MYO3A: variants seen among roughly 807,000 people sequenced by gnomAD.
MYO3A encodes the protein myosin-IIIa.
MYO3A carries 180 observed loss-of-function variants against 192.7 expected under a neutral mutation model. The observed-to-expected ratio is 0.93, with a 90% confidence interval of 0.83 to 1.06. MYO3A has a LOEUF of 1.06. MYO3A is among the 50% of genes least tolerant of loss of function. The pLI is 0.00. For missense variants in MYO3A, 1,896 were observed against 1,905.0 expected, an observed-to-expected ratio of 1.00 and a Z score of 0.09; for synonymous variants, 628 against 645.3, an observed-to-expected ratio of 0.97 and a Z score of 0.41.
At chr10:26,086,311 A>G (rs925389752) in intron 14 of MYO3A, among the ~76,000 whole-genome samples, 2 of 152,058 alleles carry the variant, frequency 1.3e-5, no homozygotes, top group Non-Finnish European at 2.9e-5. Context: ...AGTGAGGGGG[A>G]AATCCGCCCC....
Position 25,952,096 on chromosome 10 carries a change from T to A in MYO3A, c.-15T>A, listed in dbSNP as rs11014875. The A allele has an allele frequency of 0.051, 81,249 of 1,602,384 alleles. 2,965 individuals are homozygous for A. The highest frequency in any genetic ancestry group is 0.17 in the African/African-American group (12,774 of 74,606). On this transcript the variant is annotated splice_region_variant and 5_prime_UTR_variant, in exon 3 of 35. Transcript: ENST00000642920. ...GAAACTGTACTTCTTATCTCCAGGT[T>A]TTTAAACCTTTGAGATGTTTCCATT...
intron 20 of MYO3A, among the ~76,000 whole-genome samples, chr10:26,135,618 A>G (rs965004949): frequency 6.6e-6 from 1 of 152,130 alleles, no homozygotes; most frequent in African/African-American, 2.4e-5. Flanking sequence ...CAAGCAAAGA[A>G]ATCTCAGACA....
At chr10:25,987,117 A>G (rs1399677981) in intron 4 of MYO3A, among the ~76,000 whole-genome samples, 1 of 152,150 alleles carries the variant, frequency 6.6e-6, no homozygotes, top group Admixed American at 6.5e-5. Context: ...GGGAAAGGAT[A>G]CTCTATTCAA....
rs1292197236 is a variant in MYO3A at position 26,026,453 on chromosome 10, G to A, written c.874G>A (p.Gly292Ser). 6.2e-7 allele frequency: 1 copy of A among 1,613,972 alleles called. No homozygotes were observed. Among genetic ancestry groups the A allele is most frequent in the Non-Finnish European group, 8.5e-7 (1 of 1,179,966 alleles). The change falls in exon 10 of 35, where the codon GGC becomes AGC. Residue 292 changes from glycine to serine, a missense_variant. Coordinates refer to ENST00000642920, the MANE Select transcript of MYO3A (RefSeq NM_017433.5). ...GCATAAATTCATTACTCAAATTGAG[G>A]GCAAAGATGTGATGCTACAAAAACA... ...LQHKFITQIE[G>S]KDVMLQKQLT... is the part of the protein sequence containing the mutation.
Position 26,068,885 on chromosome 10 carries a change from G to C in MYO3A, c.1170+1G>C, listed in dbSNP as rs373422575. 1 of 1,528,124 alleles carries C rather than the reference G, an allele frequency of 6.5e-7. No individual in the cohort carries two copies. Among genetic ancestry groups the C allele is most frequent in the African/African-American group, 1.4e-5 (1 of 73,062 alleles). 94.7% of individuals were successfully genotyped at this position (1,528,124 alleles called of 1,614,324 possible). A position where few individuals can be genotyped will look rare whatever the true frequency, so the allele number is the denominator to read the frequency against. ...GAGTCTGGGTCTTTACTCCACAAAG[G>C]TATGTCGTATGGGGTGCATTCTGTT... On this transcript the variant is annotated splice_donor_variant, in intron 12 of 34. Coordinates refer to ENST00000642920, the MANE Select transcript of MYO3A (RefSeq NM_017433.5). LOFTEE classifies it high-confidence loss of function.
At chr10:26,023,758 A>G (rs1842421646) in intron 8 of MYO3A, among the ~76,000 whole-genome samples, 1 of 152,200 alleles carries the variant, frequency 6.6e-6, no homozygotes, top group Non-Finnish European at 1.5e-5. Context: ...GAGCTAAGTA[A>G]AAGCAAGAAG....
At chr10:26,037,702 T>G (rs1843112966) in intron 10 of MYO3A, among the ~76,000 whole-genome samples, 1 of 152,164 alleles carries the variant, frequency 6.6e-6, no homozygotes, top group South Asian at 2.1e-4. Context: ...TTTAATTGAC[T>G]CACTGTTCCT....
intron 33 of MYO3A, among the ~76,000 whole-genome samples, chr10:26,201,904 T>C (rs921365950): frequency 3.3e-5 from 5 of 152,226 alleles, no homozygotes; most frequent in African/African-American, 1.2e-4. Flanking sequence ...TTCCATGGAA[T>C]GGTTTTGCTT....
chr10:25,993,926 C>G lies in MYO3A; in HGVS notation c.304-2564C>G, dbSNP rs527529228. The stretch of plus-strand genomic sequence containing the variant: ...TTTACATTTGCTGAGGAGTGCTTTA[C>G]TTCCAACTATGTGGTCAGTTTTGGC... On this transcript the variant is annotated intron_variant, in intron 4 of 34. Transcript: ENST00000642920. 4.6e-5 allele frequency among the ~76,000 whole-genome samples: 7 copies of G among 152,316 alleles called. No homozygotes were observed. The Middle Eastern group carries it at 0.01, about 222-fold the overall frequency.
At chr10:26,106,818 A>G (rs1018189151) in intron 17 of MYO3A, among the ~76,000 whole-genome samples, 1 of 152,144 alleles carries the variant, frequency 6.6e-6, no homozygotes, top group Non-Finnish European at 1.5e-5. Flanking sequence ...CATTTCTGGA[A>G]TAAACCCAAT....
At chr10:26,084,372 T>C (rs1422598622) in intron 14 of MYO3A, among the ~76,000 whole-genome samples, 1 of 152,262 alleles carries the variant, frequency 6.6e-6, no homozygotes, top group Admixed American at 6.5e-5. Context: ...TTTGCATCAG[T>C]GTTCATCAGA....
chr10:26,047,835 G>A (rs566454949), intron 10 of MYO3A, among the ~76,000 whole-genome samples: 59 of 151,928 alleles, frequency 3.9e-4, no homozygotes, highest in Admixed American at 1.6e-3. Flanking sequence ...TTACTATTGA[G>A]TTCTGCCCCA....
intron 10 of MYO3A, among the ~76,000 whole-genome samples, chr10:26,046,530 T>C (rs115731211): frequency 0.16 from 24,720 of 152,162 alleles, 2,298 homozygotes; most frequent in Non-Finnish European, 0.21. Context: ...TAATGGTGCC[T>C]CCCTGGAGTT....
intron 7 of MYO3A, among the ~76,000 whole-genome samples, chr10:26,019,254 TATTTATTTATTTA>T (rs1215365851): frequency 2.4e-5 from 3 of 124,972 alleles, no homozygotes; most frequent in African/African-American, 9.0e-5. Flanking sequence ...TTTATTTATT[TATTTATTTATTTA>T]TTTTTTCCTG....
rs1834094532 is a variant in MYO3A at position 26,056,106 on chromosome 10, C to T, written c.954-10869C>T. On this transcript the variant is annotated intron_variant, in intron 10 of 34. Coordinates refer to ENST00000642920, the MANE Select transcript of MYO3A (RefSeq NM_017433.5). ...GGCTCTAGTGGATGAAGTAGATGACCTGCAAGGACAGATGGGCAATGTAAG... is the reference window on the plus strand; with the variant it reads ...GGCTCTAGTGGATGAAGTAGATGACTTGCAAGGACAGATGGGCAATGTAAG... 2.0e-5 allele frequency among the ~76,000 whole-genome samples: 3 copies of T among 152,146 alleles called. No individual in the cohort carries two copies. In the South Asian group the frequency reaches 6.2e-4, roughly 32 times the overall value.
At chr10:25,978,327 T>C (rs986262884) in intron 4 of MYO3A, among the ~76,000 whole-genome samples, 28 of 152,208 alleles carry the variant, frequency 1.8e-4, no homozygotes, top group Non-Finnish European at 3.7e-4. Context: ...TAATTGTACT[T>C]ACACATGGCT....
At chr10:25,988,271 C>T (rs137958056) in intron 4 of MYO3A, among the ~76,000 whole-genome samples, 4,596 of 151,896 alleles carry the variant, frequency 0.03, 224 homozygotes, top group African/African-American at 0.1. Flanking sequence ...GTACACAGCT[C>T]GGGTGATGGG....
chr10:26,034,326 C>G (rs1232564989), intron 10 of MYO3A, among the ~76,000 whole-genome samples: 1 of 152,146 alleles, frequency 6.6e-6, no homozygotes, highest in Non-Finnish European at 1.5e-5. Flanking sequence ...AGTGGGTGCC[C>G]AGACCTTATT....
chr10:26,184,441 G>A (rs1842768121), intron 31 of MYO3A, among the ~76,000 whole-genome samples: 1 of 152,158 alleles, frequency 6.6e-6, no homozygotes. Context: ...GTGCATTTCT[G>A]TTCTGCTAAT....
Sources: gnomAD v4.1 joint callset for allele counts (sites outside exome capture counted in the v4.1 genomes callset) on GRCh38, gnomAD v4.1.1 for gene constraint, MANE v1.5 for transcripts, NCBI Gene and HGNC (gene_info 2026-07-23, HGNC 2026-07-21) for gene names.